Variants in KSR2 observed in about 807,000 individuals in gnomAD.
KSR2 encodes kinase suppressor of ras 2.
Under a neutral mutation model 107.8 loss-of-function variants are expected in KSR2, and 25 were observed. The observed-to-expected ratio is 0.23, with a 90% confidence interval of 0.17 to 0.32. The LOEUF (loss-of-function observed/expected upper bound fraction) is 0.32. KSR2 is among the 10% of genes least tolerant of loss of function. The pLI is 1.00. For synonymous variants in KSR2, 480 were observed against 507.0 expected (o/e 0.95, Z 0.71); for missense variants, 887 against 1,268.9 (o/e 0.70, Z 4.57).
intron 5 of KSR2, among the ~76,000 whole-genome samples, chr12:117,645,643 C>T (rs1341705951): frequency 2.0e-5 from 3 of 151,706 alleles, no homozygotes; most frequent in Non-Finnish European, 4.4e-5. Context: ...ACCCAATGTT[C>T]CTGGAAGCAA....
chr12:117,678,867 G>A (rs541037301), intron 4 of KSR2, among the ~76,000 whole-genome samples: 2 of 152,220 alleles, frequency 1.3e-5, no homozygotes, highest in African/African-American at 4.8e-5. Context: ...TCCTCTCTGG[G>A]CCTGTCTCCT....
At chr12:117,565,254 C>A (rs946057056) in intron 7 of KSR2, among the ~76,000 whole-genome samples, 3 of 152,148 alleles carry the variant, frequency 2.0e-5, no homozygotes, top group Admixed American at 6.5e-5. Flanking sequence ...AAATTTGCTC[C>A]GATCAGCTTC....
chr12:117,613,988 G>A (rs1002208071), intron 5 of KSR2, among the ~76,000 whole-genome samples: 29 of 152,304 alleles, frequency 1.9e-4, no homozygotes, highest in African/African-American at 5.5e-4. Flanking sequence ...AGATCTATAT[G>A]CAAGCCATTG....
At chr12:117,632,519 C>A (rs920310704) in intron 5 of KSR2, among the ~76,000 whole-genome samples, 2 of 152,108 alleles carry the variant, frequency 1.3e-5, no homozygotes, top group Non-Finnish European at 2.9e-5. Context: ...AGCCACCATG[C>A]CCTGCCACCT....
intron 5 of KSR2, among the ~76,000 whole-genome samples, chr12:117,615,412 C>T (rs1881823034): frequency 6.6e-6 from 1 of 152,116 alleles, no homozygotes; most frequent in South Asian, 2.1e-4. Flanking sequence ...TGCTACCAGC[C>T]CCCATTACCT....
At chr12:117,682,395 G>GT (rs1885400907) in intron 4 of KSR2, among the ~76,000 whole-genome samples, 1 of 152,080 alleles carries the variant, frequency 6.6e-6, no homozygotes, top group South Asian at 2.1e-4. Flanking sequence ...AAACCTGCAT[G>GT]TCCTGCACAT....
intron 4 of KSR2, among the ~76,000 whole-genome samples, chr12:117,669,954 T>TAAA (rs10629052): frequency 0.047 from 7,081 of 151,174 alleles, 338 homozygotes; most frequent in African/African-American, 0.12. Flanking sequence ...GTTGCTGAAA[T>TAAA]AAAAAAAAAT....
At chr12:117,794,219 A>G (rs1385067933) in intron 3 of KSR2, among the ~76,000 whole-genome samples, 1 of 116,360 alleles carries the variant, frequency 8.6e-6, no homozygotes, top group African/African-American at 3.8e-5. Flanking sequence ...ACCAACATGC[A>G]CACACACCAA....
chr12:117,915,843 A>G (rs1490327969), intron 1 of KSR2, among the ~76,000 whole-genome samples: 1 of 152,158 alleles, frequency 6.6e-6, no homozygotes, highest in Non-Finnish European at 1.5e-5. Context: ...GCATGCCTGT[A>G]GTCCCAGCTA....
At position 117,572,274 on chromosome 12, in the gene KSR2, G is replaced by A. The variant is rs142504772; in HGVS notation, c.1325+6845C>T. Among the ~76,000 whole-genome samples, 296 of 152,180 alleles carry A rather than the reference G, an allele frequency of 1.9e-3. 3 individuals are homozygous for A. Among genetic ancestry groups the A allele is most frequent in the African/African-American group, 6.8e-3 (282 of 41,518 alleles). On this transcript the variant is annotated intron_variant, in intron 7 of 19. Coordinates refer to ENST00000339824, the MANE Select transcript of KSR2 (RefSeq NM_173598.6). ...CTGATGTGCATTACTGCATCCACCC[G>A]ACCTTGATGTAGCACCACAGCACTT...
At chr12:117,791,307 T>C (rs1023263632) in intron 3 of KSR2, among the ~76,000 whole-genome samples, 1 of 152,216 alleles carries the variant, frequency 6.6e-6, no homozygotes, top group African/African-American at 2.4e-5. Context: ...GAAGCCTCCC[T>C]TGACCTCCCA....
At chr12:117,609,459 T>A (rs1390957855) in intron 5 of KSR2, among the ~76,000 whole-genome samples, 1 of 152,272 alleles carries the variant, frequency 6.6e-6, no homozygotes, top group Non-Finnish European at 1.5e-5. Flanking sequence ...CTGTATTTTT[T>A]ATTTTTTGTA....
At chr12:117,518,134 C>T (rs1046729482) in intron 14 of KSR2, among the ~76,000 whole-genome samples, 4 of 152,144 alleles carry the variant, frequency 2.6e-5, no homozygotes, top group South Asian at 4.1e-4. Flanking sequence ...TGGGTAAGTG[C>T]TGGATATTTC....
intron 3 of KSR2, among the ~76,000 whole-genome samples, chr12:117,841,427 C>T (rs2393327): frequency 0.27 from 41,172 of 152,014 alleles, 8,649 homozygotes; most frequent in African/African-American, 0.59. Context: ...TGAAACTGGG[C>T]GTGCAGCCTA....
chr12:117,499,335 C>T (rs1259821892), intron 14 of KSR2, among the ~76,000 whole-genome samples: 1 of 152,080 alleles, frequency 6.6e-6, no homozygotes, highest in East Asian at 1.9e-4. Context: ...GGTTTTTTTT[C>T]CCCTTGCTGC....
chr12:117,655,511 ATAG>A (rs1241325302), intron 5 of KSR2, among the ~76,000 whole-genome samples: 1 of 152,188 alleles, frequency 6.6e-6, no homozygotes, highest in Non-Finnish European at 1.5e-5. Context: ...TCTTTCTCCC[ATAG>A]CCAGAATTCA....
chr12:117,890,601 T>C (rs891825652), intron 1 of KSR2: 1 of 152,240 alleles, frequency 6.6e-6, no homozygotes, highest in Non-Finnish European at 1.5e-5. Context: ...AGAAGAACCA[T>C]ATTTGTCCAT....
intron 4 of KSR2, among the ~76,000 whole-genome samples, chr12:117,715,010 A>G (rs1294290425): frequency 6.6e-6 from 1 of 152,118 alleles, no homozygotes; most frequent in African/African-American, 2.4e-5. Flanking sequence ...TATTTTTTTC[A>G]GAGCCCCAGA....
intron 4 of KSR2, among the ~76,000 whole-genome samples, chr12:117,752,023 T>A (rs1286850381): frequency 6.6e-6 from 1 of 152,214 alleles, no homozygotes; most frequent in African/African-American, 2.4e-5. Context: ...TTTAAGTGCT[T>A]ATACCTAGTT....
Sources: gnomAD v4.1 joint callset for allele counts (sites outside exome capture counted in the v4.1 genomes callset) on GRCh38, gnomAD v4.1.1 for gene constraint, MANE v1.5 for transcripts, NCBI Gene and HGNC (gene_info 2026-07-23, HGNC 2026-07-21) for gene names.